The following P2RY8 variants were observed in gnomAD, a reference collection of about 807,000 sequenced individuals.
The protein encoded by P2RY8 is P2Y receptor family member 8.
P2RY8 carries 6 observed loss-of-function variants against 10.0 expected under a neutral mutation model. The ratio of observed to expected loss-of-function variants is 0.60; its 90% confidence interval spans 0.33 to 1.19. The LOEUF (loss-of-function observed/expected upper bound fraction) is 1.19, where lower values mean the gene tolerates loss of function less well. Among genes scored for constraint, P2RY8 ranks in the 50% most tolerant of loss-of-function variants. P2RY8 has a pLI of 0.04. For missense variants in P2RY8, 456 were observed against 542.0 expected (o/e 0.84, Z 1.58); for synonymous variants, 276 against 252.5 (o/e 1.09, Z -0.88).
chrX:1,469,148 C>A (rs1361558703), intron 1 of P2RY8, among the ~76,000 whole-genome samples: 4 of 109,922 alleles, frequency 3.6e-5, no homozygotes, highest in Admixed American at 9.4e-5. Flanking sequence ...CCTCTCCTTC[C>A]CTCTCTCCTC....
chrX:1,469,447 G>A (rs372444911), intron 1 of P2RY8, among the ~76,000 whole-genome samples: 14 of 151,886 alleles, frequency 9.2e-5, no homozygotes, highest in Admixed American at 6.6e-4. Context: ...GATGACAGTC[G>A]TGAGCCACTG....
In P2RY8 at chrX:1,466,157, C is replaced by T; in HGVS notation, c.402G>A (p.Trp134Ter). 1 of 1,612,080 alleles carries T rather than the reference C, an allele frequency of 6.2e-7. No individual in the cohort carries two copies. The highest frequency in any genetic ancestry group is 8.5e-7 in the Non-Finnish European group (1 of 1,179,302). ...GVLYPLSSKRWRRRRYAVAAC... is the reference protein window; with the variant it reads ...GVLYPLSSKR ...CGGCCACCGCGTAACGACGGCGGCG[C>T]CAGCGCTTGGAGCTGAGCGGGTACA... Residue 134 changes from tryptophan (W) to a stop codon, truncating the protein, a stop_gained, in exon 2 of 2, where the codon TGG becomes TGA. Transcript: ENST00000381297. LOFTEE classifies it low-confidence loss of function (END_TRUNC).
chrX:1,516,518 T>C (rs1248096639), intron 1 of P2RY8, among the ~76,000 whole-genome samples: 3 of 150,154 alleles, frequency 2.0e-5, no homozygotes, highest in Non-Finnish European at 4.4e-5. Context: ...CTAAGAGATC[T>C]CATAAGAAGA....
intron 1 of P2RY8, among the ~76,000 whole-genome samples, chrX:1,489,517 G>A (rs1364305495): frequency 2.6e-5 from 4 of 152,222 alleles, no homozygotes; most frequent in Admixed American, 2.0e-4. Context: ...CACAAATGTG[G>A]AGGGAATGAA....
At chrX:1,531,622 G>A (rs1310134088) in intron 1 of P2RY8, among the ~76,000 whole-genome samples, 1 of 152,094 alleles carries the variant, frequency 6.6e-6, no homozygotes, top group Non-Finnish European at 1.5e-5. Context: ...TCCCTGCCCA[G>A]CCATGGAGAG....
intron 1 of P2RY8, among the ~76,000 whole-genome samples, chrX:1,524,437 C>CCATT (rs1161842600): frequency 8.3e-6 from 1 of 120,830 alleles, no homozygotes; most frequent in Admixed American, 7.7e-5. Context: ...ATCCATCCAT[C>CCATT]CATTCATCCA....
At position 1,493,461 on chromosome X, in the gene P2RY8, G is replaced by GGAGGAAGGAGGA. The variant is rs1569537411; in HGVS notation, c.-24-26880_-24-26879insTCCTCCTTCCTC. On this transcript the variant is annotated intron_variant, in intron 1 of 1. Coordinates refer to ENST00000381297, the MANE Select transcript of P2RY8 (RefSeq NM_178129.5). ...GAAGGAGGAGGAAGGAGGAAGGAGG[G>GGAGGAAGGAGGA]AGGAGGGAGGGAGGGAAGGAAGGAA... Among the ~76,000 whole-genome samples the GGAGGAAGGAGGA allele has an allele frequency of 2.4e-4, 27 of 110,220 alleles. 2 individuals carry two copies. The highest frequency in any genetic ancestry group is 4.0e-4 in the Non-Finnish European group (22 of 55,280). 72.3% of individuals were successfully genotyped at this position (110,220 alleles called of 152,430 possible).
intron 1 of P2RY8, among the ~76,000 whole-genome samples, chrX:1,488,543 T>A (rs1207660117): frequency 6.6e-6 from 1 of 152,070 alleles, no homozygotes; most frequent in East Asian, 1.9e-4. Context: ...CAACCCTCCT[T>A]CTTGGGGCAT....
chrX:1,483,857 A>T (rs2091961454), intron 1 of P2RY8, among the ~76,000 whole-genome samples: 1 of 150,386 alleles, frequency 6.6e-6, no homozygotes, highest in East Asian at 2.0e-4. Flanking sequence ...ACCTCCTTTA[A>T]ACCTGAAGCT....
chrX:1,535,021 C>T (rs1299807892), intron 1 of P2RY8, among the ~76,000 whole-genome samples: 1 of 151,868 alleles, frequency 6.6e-6, no homozygotes, highest in Non-Finnish European at 1.5e-5. Flanking sequence ...CCGTCCCGTA[C>T]GTCCCATGCA....
intron 1 of P2RY8, among the ~76,000 whole-genome samples, chrX:1,526,079 C>G (rs1399940430): frequency 6.6e-6 from 1 of 151,852 alleles, no homozygotes; most frequent in African/African-American, 2.4e-5. Flanking sequence ...TCCATCTACT[C>G]AGTCATCCAT....
At chrX:1,518,242 A>G (rs1316227451) in intron 1 of P2RY8, among the ~76,000 whole-genome samples, 1 of 150,578 alleles carries the variant, frequency 6.6e-6, no homozygotes, top group Non-Finnish European at 1.5e-5. Context: ...CCTGGCCAAC[A>G]TGGTGAAACC....
chrX:1,529,230 T>C (rs2092458148), intron 1 of P2RY8, among the ~76,000 whole-genome samples: 1 of 152,170 alleles, frequency 6.6e-6, no homozygotes, highest in Non-Finnish European at 1.5e-5. Flanking sequence ...TCTTCAATTC[T>C]ACTTACTTTA....
At chrX:1,511,521 A>AT (rs1382593871) in intron 1 of P2RY8, among the ~76,000 whole-genome samples, 1 of 152,076 alleles carries the variant, frequency 6.6e-6, no homozygotes, top group Non-Finnish European at 1.5e-5. Context: ...ACATCTTGTC[A>AT]TTTTTTGTTT....
Position 1,463,997 on chromosome X carries a change from A to G in P2RY8, c.*1482T>C. 1 of 233,322 alleles carries G rather than the reference A, an allele frequency of 4.3e-6. No individual in the cohort carries two copies. The highest frequency in any genetic ancestry group is 8.5e-6 in the Non-Finnish European group (1 of 118,054). The allele number at this position is 233,322 out of a possible 1,614,324, so 14.5% of individuals were successfully genotyped here. ...GGGAATGATAATTCATTACTAAACCATCTCTGTTTTCCTGCCATAGTGATG... is the reference window on the plus strand; with the variant it reads ...GGGAATGATAATTCATTACTAAACCGTCTCTGTTTTCCTGCCATAGTGATG... On this transcript the variant is annotated 3_prime_UTR_variant, in exon 2 of 2. Transcript: ENST00000381297.
chrX:1,512,900 C>T lies in P2RY8; in HGVS notation c.-25+24021G>A, dbSNP rs772864336. ...TAAGTTGTGAGATACATGTGCAGAA[C>T]CTGCAGGTTTGTTGCATAGGTATCC... On this transcript the variant is annotated intron_variant, in intron 1 of 1. Transcript: ENST00000381297. Among the ~76,000 whole-genome samples the T allele has an allele frequency of 1.2e-4, 18 of 152,012 alleles. No homozygotes were observed. The South Asian group carries it at 2.3e-3, about 19-fold the overall frequency.
chrX:1,518,039 G>A (rs1170851061), intron 1 of P2RY8, among the ~76,000 whole-genome samples: 1 of 151,800 alleles, frequency 6.6e-6, no homozygotes, highest in Non-Finnish European at 1.5e-5. Flanking sequence ...AACCTGGGAG[G>A]CGGAGGTTGC....
intron 1 of P2RY8, among the ~76,000 whole-genome samples, chrX:1,503,056 G>T (rs1217906382): frequency 2.6e-5 from 4 of 151,906 alleles, no homozygotes; most frequent in African/African-American, 9.7e-5. Flanking sequence ...CCTGGATTAG[G>T]CTGGGCCCTA....
chrX:1,473,619 G>C (rs866814211), intron 1 of P2RY8, among the ~76,000 whole-genome samples: 46 of 126,556 alleles, frequency 3.6e-4, no homozygotes, highest in African/African-American at 1.3e-3. Context: ...TCAGTGTTTA[G>C]ATAGGTGGAT....
Sources: gnomAD v4.1 joint callset for allele counts (sites outside exome capture counted in the v4.1 genomes callset) on GRCh38, gnomAD v4.1.1 for gene constraint, MANE v1.5 for transcripts, NCBI Gene and HGNC (gene_info 2026-07-23, HGNC 2026-07-21) for gene names.